Variants in GMDS observed in about 807,000 individuals in gnomAD.
GMDS encodes the protein GDP-mannose 4,6 dehydratase.
A neutral mutation model predicts 49.9 loss-of-function variants in GMDS; 20 were observed. The ratio of observed to expected loss-of-function variants is 0.40; its 90% CI spans 0.28 to 0.58. The LOEUF is 0.58. Ranked by LOEUF, GMDS falls within the 20% of genes least tolerant of loss-of-function variation. The probability of loss-of-function intolerance (pLI) is 0.42; values close to 1 mark genes in which losing one functional copy is unlikely to be tolerated. For synonymous variants in GMDS, 177 were observed against 178.6 expected, an observed-to-expected ratio of 0.99 and a Z score of 0.07; for missense variants, 362 against 481.4, an observed-to-expected ratio of 0.75 and a Z score of 2.32.
intron 9 of GMDS, among the ~76,000 whole-genome samples, chr6:1,689,080 C>A (rs975390973): frequency 2.0e-5 from 3 of 152,266 alleles, no homozygotes; most frequent in Admixed American, 6.5e-5. Flanking sequence ...CACCAGTGAC[C>A]TTTTACATGG....
intron 7 of GMDS, among the ~76,000 whole-genome samples, chr6:1,768,696 C>T (rs570527323): frequency 1.2e-4 from 19 of 152,274 alleles, no homozygotes; most frequent in African/African-American, 2.6e-4. Flanking sequence ...TTGGGATGTT[C>T]GACCAGTAAG....
intron 7 of GMDS, among the ~76,000 whole-genome samples, chr6:1,890,060 G>T (rs1449150071): frequency 3.9e-5 from 6 of 151,956 alleles, no homozygotes; most frequent in Non-Finnish European, 2.9e-5. Context: ...TGTGAATAAT[G>T]CTGCCACTAG....
In GMDS at chr6:2,134,906, T is replaced by C. The variant is rs142068432; in HGVS notation, c.103-10175A>G. Among the ~76,000 whole-genome samples the C allele has an allele frequency of 5.5e-3, 833 of 152,344 alleles. 5 individuals are homozygous for C. Among genetic ancestry groups the C allele is most frequent in the Non-Finnish European group, 8.8e-3 (596 of 68,024 alleles). ...TATCTTACATTCCTGTAATTTCTTATAGTTGCTAAGTACTCTTTAGATGTT... is the reference window on the plus strand; with the variant it reads ...TATCTTACATTCCTGTAATTTCTTACAGTTGCTAAGTACTCTTTAGATGTT... On this transcript the variant is annotated intron_variant, in intron 1 of 10. Transcript: ENST00000380815.
intron 4 of GMDS, among the ~76,000 whole-genome samples, chr6:2,035,289 C>T (rs1460550185): frequency 3.9e-5 from 6 of 152,130 alleles, no homozygotes; most frequent in Non-Finnish European, 7.4e-5. Context: ...TTTCTCTCCT[C>T]GGTATGTTGA....
At chr6:1,898,705 G>A (rs769573469) in intron 7 of GMDS, among the ~76,000 whole-genome samples, 7 of 152,188 alleles carry the variant, frequency 4.6e-5, no homozygotes, top group Admixed American at 1.3e-4. Context: ...GGAATGAGAT[G>A]CCAATGTAAT....
intron 10 of GMDS, 46 bp from the exon 11 acceptor site, chr6:1,624,277 T>G (rs11759759): frequency 6.4e-7 from 1 of 1,562,156 alleles, no homozygotes; most frequent in Non-Finnish European, 8.8e-7. Context: ...TGCCACTCTC[T>G]CCTGGTGACA....
chr6:1,844,430 C>T (rs1231266709), intron 7 of GMDS, among the ~76,000 whole-genome samples: 1 of 152,168 alleles, frequency 6.6e-6, no homozygotes, highest in Non-Finnish European at 1.5e-5. Flanking sequence ...ACAGTTTTTA[C>T]CTATGTCAGG....
intron 7 of GMDS, among the ~76,000 whole-genome samples, chr6:1,898,300 T>C (rs1199715343): frequency 6.6e-6 from 1 of 152,212 alleles, no homozygotes; most frequent in African/African-American, 2.4e-5. Flanking sequence ...AAAATCACCT[T>C]CTAAATAAAA....
intron 3 of GMDS, among the ~76,000 whole-genome samples, chr6:2,116,303 T>C (rs1283915105): frequency 6.6e-6 from 1 of 152,200 alleles, no homozygotes; most frequent in Non-Finnish European, 1.5e-5. Context: ...TAGATACTTT[T>C]ATCTAGTAAT....
intron 4 of GMDS, among the ~76,000 whole-genome samples, chr6:2,005,978 C>A (rs1249378392): frequency 3.3e-5 from 5 of 152,160 alleles, no homozygotes; most frequent in Non-Finnish European, 7.3e-5. Context: ...TTTTGTCAGA[C>A]TGATTTCCTC....
chr6:1,697,604 C>T (rs906241695), intron 9 of GMDS, among the ~76,000 whole-genome samples: 10 of 152,218 alleles, frequency 6.6e-5, no homozygotes, highest in African/African-American at 2.4e-4. Context: ...AGGCCAGCAG[C>T]ATCAGCGTCA....
chr6:1,656,625 G>A (rs772995645), intron 9 of GMDS, among the ~76,000 whole-genome samples: 1 of 152,094 alleles, frequency 6.6e-6, no homozygotes, highest in Non-Finnish European at 1.5e-5. Flanking sequence ...TTAGCTGGGT[G>A]TGGTGGTGTG....
chr6:2,150,676 A>C lies in GMDS; in HGVS notation c.103-25945T>G, dbSNP rs546113487. Among the ~76,000 whole-genome samples, 143 of 152,362 alleles carry C rather than the reference A, an allele frequency of 9.4e-4. 1 individual carries two copies. The highest frequency in any genetic ancestry group is 2.7e-3 in the African/African-American group (111 of 41,590). The stretch of plus-strand genomic sequence containing the variant: ...TTATTTCAGATTAAGAATCCACAAC[A>C]ATCTTAAACTAAAGAATATTTAAAA... On this transcript the variant is annotated intron_variant, in intron 1 of 10. Transcript: ENST00000380815.
intron 1 of GMDS, among the ~76,000 whole-genome samples, chr6:2,169,523 G>A (rs1360046040): frequency 2.0e-5 from 3 of 149,604 alleles, no homozygotes; most frequent in East Asian, 2.0e-4. Flanking sequence ...CTGGAGAATC[G>A]ATTGAACCAA....
intron 4 of GMDS, among the ~76,000 whole-genome samples, chr6:2,105,790 C>T (rs1052366467): frequency 1.3e-5 from 2 of 152,172 alleles, no homozygotes; most frequent in African/African-American, 4.8e-5. Flanking sequence ...ATATACCAAA[C>T]AGCATAAGAA....
rs368003423 is a variant in GMDS, at chr6:2,203,117, C to T, written c.102+42204G>A. Among the ~76,000 whole-genome samples, 285 of 152,278 alleles carry T rather than the reference C, an allele frequency of 1.9e-3. 3 individuals carry two copies. The highest frequency in any genetic ancestry group is 0.014 in the Middle Eastern group (4 of 294). ...TTAATCAAATTGCCAACATAAATTA[C>T]TTTTCCTCATTTTTGAAGGCTTGTC... On this transcript the variant is annotated intron_variant, in intron 1 of 10. Transcript: ENST00000380815.
intron 4 of GMDS, among the ~76,000 whole-genome samples, chr6:2,055,646 C>G (rs988537692): frequency 1.3e-5 from 2 of 151,944 alleles, no homozygotes; most frequent in African/African-American, 4.8e-5. Flanking sequence ...AATTGGACTC[C>G]CCTTGGTTTA....
chr6:1,817,573 A>G (rs1287366832), intron 7 of GMDS, among the ~76,000 whole-genome samples: 2 of 152,260 alleles, frequency 1.3e-5, no homozygotes, highest in Non-Finnish European at 2.9e-5. Flanking sequence ...GGTTTACTTT[A>G]TAACATGGGT....
At chr6:1,702,197 G>A (rs1165022793) in intron 9 of GMDS, among the ~76,000 whole-genome samples, 3 of 152,224 alleles carry the variant, frequency 2.0e-5, no homozygotes, top group Non-Finnish European at 2.9e-5. Flanking sequence ...CCGACTCTTC[G>A]TAAAGGTGCA....
Sources: allele counts gnomAD v4.1 joint callset (sites outside exome capture counted in the v4.1 genomes callset), GRCh38; gene constraint gnomAD v4.1.1; transcripts MANE v1.5; gene names NCBI Gene and HGNC (gene_info 2026-07-23, HGNC 2026-07-21).